The following RPTOR variants were observed in gnomAD, a reference collection of about 807,000 sequenced individuals.
RPTOR encodes the protein regulatory-associated protein of mTOR.
Under a neutral mutation model 169.9 loss-of-function variants are expected in RPTOR, and 21 were observed. That is an observed-to-expected ratio of 0.12 (90% CI 0.09 to 0.18). RPTOR has a LOEUF of 0.18. RPTOR is among the 10% of genes least tolerant of loss of function. The pLI is 1.00. For synonymous variants in RPTOR, 732 were observed against 753.2 expected, an observed-to-expected ratio of 0.97 and a Z score of 0.46; for missense variants, 1,133 against 1,855.9, an observed-to-expected ratio of 0.61 and a Z score of 7.16.
chr17:80,627,111 T>C (rs569670269), intron 2 of RPTOR, among the ~76,000 whole-genome samples: 1 of 152,192 alleles, frequency 6.6e-6, no homozygotes, highest in Non-Finnish European at 1.5e-5. Context: ...TGTCGTAGCA[T>C]GTGTCAGAAT....
intron 9 of RPTOR, among the ~76,000 whole-genome samples, chr17:80,830,976 C>A (rs1232865633): frequency 6.6e-6 from 1 of 152,136 alleles, no homozygotes. Flanking sequence ...AACTCCTGAG[C>A]TCAGACAATC....
intron 3 of RPTOR, among the ~76,000 whole-genome samples, chr17:80,674,420 C>T (rs1175536540): frequency 6.6e-6 from 1 of 152,098 alleles, no homozygotes; most frequent in East Asian, 1.9e-4. Context: ...CACAGGGAGG[C>T]TGGAAAATAT....
intron 1 of RPTOR, among the ~76,000 whole-genome samples, chr17:80,622,472 A>G (rs2065361491): frequency 6.6e-6 from 1 of 152,230 alleles, no homozygotes; most frequent in Non-Finnish European, 1.5e-5. Flanking sequence ...TCTGATTTTT[A>G]GTGCTTTCTC....
intron 5 of RPTOR, among the ~76,000 whole-genome samples, chr17:80,744,817 C>CTACTAGCACTGTCCTGGT (rs2066550165): frequency 3.2e-4 from 2 of 6,270 alleles, no homozygotes; most frequent in Non-Finnish European, 6.1e-4. Context: ...ACTGTCCTGG[C>CTACTAGCACTGTCCTGGT]TACTAGCACA....
intron 2 of RPTOR, among the ~76,000 whole-genome samples, chr17:80,641,352 C>T (rs901560767): frequency 2.0e-5 from 3 of 152,200 alleles, no homozygotes; most frequent in Non-Finnish European, 4.4e-5. Context: ...ATTAGAATTT[C>T]CAGAAGGTTA....
chr17:80,966,235 G>A lies in RPTOR; in HGVS notation c.*1905G>A, dbSNP rs914645907. ...ATTCAATCACGACGTTAACCGGCTC[G>A]AGAGAGCGCCGGCCTAGAGGCTCAT... On this transcript the variant is annotated 3_prime_UTR_variant, in exon 34 of 34. Coordinates refer to ENST00000306801, the MANE Select transcript of RPTOR (RefSeq NM_020761.3). The A allele has an allele frequency of 1.7e-5, 4 of 232,188 alleles. No homozygotes were observed. Among genetic ancestry groups the A allele is most frequent in the Non-Finnish European group, 2.6e-5 (3 of 117,552 alleles). 14.4% of individuals were successfully genotyped at this position (232,188 alleles called of 1,614,324 possible).
chr17:80,708,867 C>G lies in RPTOR; in HGVS notation c.507+868C>G. On this transcript the variant is annotated intron_variant, in intron 4 of 33. Transcript: ENST00000306801. The surrounding 1 kb of genome is among the most constrained non-coding windows in gnomAD (Gnocchi z 4.2). Reference sequence around the variant, plus strand: ...ATTTGGAATCCAGCAAATCCGAGTCCCAGTTTCGGTTGTGCTGTCAGCCTC... The same window carrying G: ...ATTTGGAATCCAGCAAATCCGAGTCGCAGTTTCGGTTGTGCTGTCAGCCTC... The G allele has an allele frequency of 1.1e-6, 1 of 915,404 alleles. No individual in the cohort carries two copies. Among genetic ancestry groups the G allele is most frequent in the Non-Finnish European group, 1.3e-6 (1 of 765,822 alleles). The allele number at this position is 915,404 out of a possible 1,614,324, so 56.7% of individuals were successfully genotyped here.
intron 3 of RPTOR, among the ~76,000 whole-genome samples, chr17:80,661,056 A>G (rs9906493): frequency 0.032 from 4,792 of 152,020 alleles, 255 homozygotes; most frequent in African/African-American, 0.11. Flanking sequence ...TTCTTTGTCT[A>G]AGTCTTACTG....
At chr17:80,714,611 A>C (rs1176478115) in intron 4 of RPTOR, among the ~76,000 whole-genome samples, 1 of 152,284 alleles carries the variant, frequency 6.6e-6, no homozygotes, top group Admixed American at 6.5e-5. Flanking sequence ...AAACCTAAAG[A>C]TAATGAAACT....
intron 1 of RPTOR, among the ~76,000 whole-genome samples, chr17:80,582,936 G>T (rs2065027613): frequency 6.7e-6 from 1 of 148,294 alleles, no homozygotes; most frequent in Admixed American, 6.7e-5. Context: ...TTTTGAGACG[G>T]GGTCCCACTC....
At chr17:80,686,439 C>T (rs4536520) in intron 3 of RPTOR, among the ~76,000 whole-genome samples, 25,501 of 150,208 alleles carry the variant, frequency 0.17, 3,541 homozygotes, top group African/African-American at 0.38. Flanking sequence ...ACCATTGTTC[C>T]CAGTTCACAG....
At chr17:80,837,846 TCCTGTGC>T in intron 9 of RPTOR, 69 bp from the exon 10 acceptor site, 1 of 1,387,660 alleles carries the variant, frequency 7.2e-7, no homozygotes, top group Non-Finnish European at 1.0e-6. Flanking sequence ...AGCCGGCTCC[TCCTGTGC>T]CCTGTGAAGT....
intron 5 of RPTOR, among the ~76,000 whole-genome samples, chr17:80,731,730 G>T (rs980415491): frequency 6.6e-6 from 1 of 152,120 alleles, no homozygotes; most frequent in Non-Finnish European, 1.5e-5. Context: ...GAGCAAAAAT[G>T]ATCTTGAGTA....
At chr17:80,694,163 G>A (rs1479759610) in intron 3 of RPTOR, among the ~76,000 whole-genome samples, 2 of 152,370 alleles carry the variant, frequency 1.3e-5, no homozygotes, top group Admixed American at 1.3e-4. Flanking sequence ...AGCCTCAGGT[G>A]CCTCATCTGG....
chr17:80,811,998 C>T lies in RPTOR; in HGVS notation c.891-10203C>T, dbSNP rs114889550. On this transcript the variant is annotated intron_variant, in intron 7 of 33. Coordinates refer to ENST00000306801, the MANE Select transcript of RPTOR (RefSeq NM_020761.3). The stretch of plus-strand genomic sequence containing the variant: ...AGCCACAGCCTCTTTAACAAGGCCT[C>T]GACCTCACTGTACCCACGGGACACA... Among the ~76,000 whole-genome samples the T allele has an allele frequency of 3.6e-3, 552 of 151,388 alleles. 3 individuals are homozygous for T. The highest frequency in any genetic ancestry group is 0.013 in the African/African-American group (518 of 41,286).
rs540081973 is a variant in RPTOR, at chr17:80,694,380, C to T, written c.349-13461C>T. On this transcript the variant is annotated intron_variant, in intron 3 of 33. Transcript: ENST00000306801. ...ATACTGATTTCCCACCCAGGTGAGG[C>T]GCATGGTAGATGTTTGTTCTGTGCA... Among the ~76,000 whole-genome samples the T allele has an allele frequency of 1.6e-4, 25 of 152,362 alleles. No homozygotes were observed. The South Asian group carries it at 3.5e-3, about 21-fold the overall frequency.
At chr17:80,687,573 C>G (rs34547024) in intron 3 of RPTOR, among the ~76,000 whole-genome samples, 23,717 of 152,222 alleles carry the variant, frequency 0.16, 2,702 homozygotes, top group African/African-American at 0.32. Flanking sequence ...CTGCTCTGCC[C>G]TTGGTGGGCA....
At chr17:80,909,876 T>C (rs1381331943) in intron 21 of RPTOR, 3 of 152,218 alleles carry the variant, frequency 2.0e-5, no homozygotes, top group Non-Finnish European at 4.4e-5. Context: ...TTACTTTGAG[T>C]TTAATTTGCT....
At chr17:80,561,263 G>GTGTATATATATATATATATATATATA (rs1297941814) in intron 1 of RPTOR, among the ~76,000 whole-genome samples, 1 of 19,610 alleles carries the variant, frequency 5.1e-5, no homozygotes, top group African/African-American at 9.1e-5. Context: ...ATATATATAT[G>GTGTATATATATATATATATATATATA]TATATATATA....
Sources: allele counts gnomAD v4.1 joint callset (sites outside exome capture counted in the v4.1 genomes callset), GRCh38; gene constraint gnomAD v4.1.1; non-coding constraint Gnocchi (gnomAD v3.1); transcripts MANE v1.5; gene names NCBI Gene and HGNC (gene_info 2026-07-23, HGNC 2026-07-21).